Variants in ZNF862 observed in about 807,000 individuals in gnomAD.
The protein encoded by ZNF862 is zinc finger protein 862.
In ZNF862, 64 loss-of-function variants were observed where a neutral mutation model predicts 91.1. That is an observed-to-expected ratio of 0.70 (90% CI 0.57 to 0.87). The LOEUF (loss-of-function observed/expected upper bound fraction) is 0.87, where lower values mean the gene tolerates loss of function less well. Ranked by LOEUF, ZNF862 falls within the 40% of genes least tolerant of loss-of-function variation. The pLI is 0.00. For synonymous variants in ZNF862, 631 were observed against 618.1 expected (o/e 1.02, Z -0.31); for missense variants, 1,459 against 1,528.0 (o/e 0.95, Z 0.75).
Position 149,861,446 on chromosome 7 carries a change from GAGGCTGAACGAGCTGC to G in ZNF862, c.2290_2305del (p.Leu764LysfsTer13). The G allele has an allele frequency of 6.2e-7, 1 of 1,613,492 alleles. No individual in the cohort carries two copies. The highest frequency in any genetic ancestry group is 1.1e-5 in the South Asian group (1 of 91,090). On this transcript the variant is annotated frameshift_variant, in exon 7 of 8. Transcript: ENST00000223210. LOFTEE classifies it high-confidence loss of function. The surrounding 1 kb of genome is among the most constrained non-coding windows in gnomAD (Gnocchi z 6.7). ...TCAAGTTTTATCAGTCCTCAAACAA[GAGGCTGAACGAGCTGC>G]AGGAAGGTGCGGCGCCTCTGGAGCA...
At position 149,864,416 on chromosome 7, in the gene ZNF862, C is replaced by A; in HGVS notation, c.*132C>A. ...CTAAGCACCAGGAAGTGGGCAGTGG[C>A]ATCCCAGAGCAGCAGGGGTATCAGG... On this transcript the variant is annotated 3_prime_UTR_variant, in exon 8 of 8. Coordinates refer to ENST00000223210, the MANE Select transcript of ZNF862 (RefSeq NM_001099220.3). The A allele has an allele frequency of 1.1e-6, 1 of 911,452 alleles. No individual in the cohort carries two copies. The highest frequency in any genetic ancestry group is 1.6e-6 in the Non-Finnish European group (1 of 617,802). The allele number at this position is 911,452 out of a possible 1,614,324, so 56.5% of individuals were successfully genotyped here. A position where few individuals can be genotyped will look rare whatever the true frequency, so the allele number is the denominator to read the frequency against.
At chr7:149,859,334 T>C (rs953587217) in intron 5 of ZNF862, 88 bp from the exon 6 acceptor site, 3 of 1,162,352 alleles carry the variant, frequency 2.6e-6, no homozygotes, top group Non-Finnish European at 3.8e-6. Flanking sequence ...GACACCTCTG[T>C]GTACTTCAGG....
Position 149,850,331 on chromosome 7 carries a change from A to G in ZNF862, c.1110A>G (p.Ala370=). 1 of 1,611,000 alleles carries G rather than the reference A, an allele frequency of 6.2e-7. No individual in the cohort carries two copies. Among genetic ancestry groups the G allele is most frequent in the East Asian group, 2.2e-5 (1 of 44,820 alleles). Residue 370 remains alanine, a synonymous_variant, in exon 5 of 8, where the codon GCA becomes GCG. Coordinates refer to ENST00000223210, the MANE Select transcript of ZNF862 (RefSeq NM_001099220.3). This position sits in a 1 kb window ranked among gnomAD's most constrained non-coding sequence, Gnocchi z 4.2. ...TGCGGATGAACTACGAGCTGTTGGC[A>G]TCCTTGGGTAAAGACGCACCGAGCC... ...DVMRMNYELL[A]SLGPAAAKPD... is the part of the protein sequence containing the mutation.
intron 5 of ZNF862, chr7:149,858,852 T>TTCACAAAG (rs1258519366): frequency 1.6e-5 from 2 of 123,042 alleles, no homozygotes; most frequent in African/African-American, 6.3e-5. Flanking sequence ...AAAGGCCAGC[T>TTCACAAAG]GTGGGGGCAG....
intron 5 of ZNF862, chr7:149,858,408 T>C (rs1802331915): frequency 6.6e-6 from 1 of 152,240 alleles, no homozygotes; most frequent in Non-Finnish European, 1.5e-5. Flanking sequence ...AATTTACTTA[T>C]TTATATTTTT....
At chr7:149,848,669 G>A (rs965380089) in intron 4 of ZNF862, among the ~76,000 whole-genome samples, 66 of 152,152 alleles carry the variant, frequency 4.3e-4, no homozygotes, top group African/African-American at 1.4e-3. Context: ...TGCAAATAAC[G>A]TAATTAGTGA....
In ZNF862 at chr7:149,850,444, G is replaced by A. The variant is rs1048227846; in HGVS notation, c.1117+106G>A. 6 of 1,228,030 alleles carry A rather than the reference G, an allele frequency of 4.9e-6. No individual in the cohort carries two copies. Among genetic ancestry groups the A allele is most frequent in the Non-Finnish European group, 6.7e-6 (6 of 893,440 alleles). The allele number at this position is 1,228,030 out of a possible 1,614,324, so 76.1% of individuals were successfully genotyped here. On this transcript the variant is annotated intron_variant, in intron 5 of 7. Coordinates refer to ENST00000223210, the MANE Select transcript of ZNF862 (RefSeq NM_001099220.3). This position sits in a 1 kb window ranked among gnomAD's most constrained non-coding sequence, Gnocchi z 4.2. ...CTTCCCATTCCTGCCCCCTCCCTGT[G>A]TGTAGGCAGAGACCGATCCTGTCTT... is the stretch of plus-strand genomic sequence containing the variant.
intron 1 of ZNF862, chr7:149,841,394 T>C (rs1037252381): frequency 5.1e-6 from 5 of 985,360 alleles, no homozygotes; most frequent in Middle Eastern, 5.2e-4. Flanking sequence ...GGTCAGACTT[T>C]TCCCCATCAT....
At chr7:149,842,195 T>G (rs911452519) in intron 1 of ZNF862, among the ~76,000 whole-genome samples, 3 of 152,090 alleles carry the variant, frequency 2.0e-5, no homozygotes, top group Non-Finnish European at 2.9e-5. Context: ...GCAGTCAGGA[T>G]CTAAAGACTG....
In ZNF862 at chr7:149,851,115, T is replaced by A. The variant is rs577356505; in HGVS notation, c.1117+777T>A. ...CAAGATGGAAAGACAACTTTTTTTG[T>A]TGGAGACAGTCTCACTCTGTCGCCC... On this transcript the variant is annotated intron_variant, in intron 5 of 7. Coordinates refer to ENST00000223210, the MANE Select transcript of ZNF862 (RefSeq NM_001099220.3). 1.4e-4 allele frequency among the ~76,000 whole-genome samples: 22 copies of A among 152,362 alleles called. 1 individual carries two copies. The Middle Eastern group carries it at 0.01, about 71-fold the overall frequency.
chr7:149,856,779 CG>C (rs1464400644), intron 5 of ZNF862, among the ~76,000 whole-genome samples: 1 of 152,166 alleles, frequency 6.6e-6, no homozygotes, highest in Non-Finnish European at 1.5e-5. Context: ...TTGTGGTTGA[CG>C]TCTTCATCTT....
Position 149,859,542 on chromosome 7 carries a change from C to T in ZNF862, c.1222+16C>T, listed in dbSNP as rs953135560. 6 of 1,546,006 alleles carry T rather than the reference C, an allele frequency of 3.9e-6. No individual in the cohort carries two copies. In the African/African-American group the frequency reaches 8.2e-5, roughly 21 times the overall value. On this transcript the variant is annotated intron_variant, in intron 6 of 7. Coordinates refer to ENST00000223210, the MANE Select transcript of ZNF862 (RefSeq NM_001099220.3). ...CGTCCTCCAGGTGAGTGTAAACCTACAGCATTCTGAAGGACATGTGCCAGG... is the reference window on the plus strand; with the variant it reads ...CGTCCTCCAGGTGAGTGTAAACCTATAGCATTCTGAAGGACATGTGCCAGG...
rs183749995 is a variant in ZNF862, at chr7:149,848,343, G to A, written c.850G>A (p.Asp284Asn). Reference protein sequence around the residue: ...IPAMYLDCISDLRQKEITDGI... With the variant: ...IPAMYLDCISNLRQKEITDGI... ...TGCAATGTATCTAGACTGCATTTCA[G>A]ATTTGAGGCAAAAAGAAATCACTGA... The change falls in exon 4 of 8, where the codon GAT becomes AAT. Residue 284 changes from aspartate to asparagine, a missense_variant. By Grantham distance (23) the Asp-to-Asn change is conservative. Coordinates refer to ENST00000223210, the MANE Select transcript of ZNF862 (RefSeq NM_001099220.3). 2 of 1,606,442 alleles carry A rather than the reference G, an allele frequency of 1.2e-6. No individual in the cohort carries two copies. Among genetic ancestry groups the A allele is most frequent in the Non-Finnish European group, 1.7e-6 (2 of 1,176,214 alleles).
In ZNF862 at chr7:149,850,027, A is replaced by G. The variant is rs1802006964; in HGVS notation, c.940-134A>G. 2 of 891,944 alleles carry G rather than the reference A, an allele frequency of 2.2e-6. No homozygotes were observed. Among genetic ancestry groups the G allele is most frequent in the Non-Finnish European group, 3.4e-6 (2 of 583,610 alleles). The allele number at this position is 891,944 out of a possible 1,614,324, so 55.3% of individuals were successfully genotyped here. A position where few individuals can be genotyped will look rare whatever the true frequency, so the allele number is the denominator to read the frequency against. On this transcript the variant is annotated intron_variant, in intron 4 of 7. Coordinates refer to ENST00000223210, the MANE Select transcript of ZNF862 (RefSeq NM_001099220.3). This position sits in a 1 kb window ranked among gnomAD's most constrained non-coding sequence, Gnocchi z 4.2. The stretch of plus-strand genomic sequence containing the variant: ...TGATTCTTTGACTTTCAGTGGATAA[A>G]TTAATTCCTCTGAGTGCATCTGGGC...
rs756146004 is a variant in ZNF862, at chr7:149,861,443, CAA to C, written c.2284_2285del (p.Lys762GlufsTer159). The C allele has an allele frequency of 1.5e-5, 24 of 1,613,494 alleles. No homozygotes were observed. The highest frequency in any genetic ancestry group is 8.9e-5 in the East Asian group (4 of 44,880). On this transcript the variant is annotated frameshift_variant, in exon 7 of 8. Transcript: ENST00000223210. LOFTEE classifies it high-confidence loss of function. The surrounding 1 kb of genome is among the most constrained non-coding windows in gnomAD (Gnocchi z 6.7). ...TCTTCAAGTTTTATCAGTCCTCAAA[CAA>C]GAGGCTGAACGAGCTGCAGGAAGGT... ...TVFKFYQSSN[K>X]RLNELQEGAA...
At chr7:149,863,497 G>T (rs753304287) in intron 7 of ZNF862, among the ~76,000 whole-genome samples, 1 of 152,202 alleles carries the variant, frequency 6.6e-6, no homozygotes, top group Non-Finnish European at 1.5e-5. Context: ...AGTAGGGCAG[G>T]TGGGGATAAG....
At chr7:149,849,558 C>T (rs146721196) in intron 4 of ZNF862, among the ~76,000 whole-genome samples, 17 of 152,338 alleles carry the variant, frequency 1.1e-4, no homozygotes, top group African/African-American at 4.1e-4. Flanking sequence ...GGAGGTTCCT[C>T]CTAGAGCTGA....
intron 1 of ZNF862, chr7:149,841,352 TC>T: frequency 1.0e-6 from 1 of 985,470 alleles, no homozygotes; most frequent in Non-Finnish European, 1.2e-6. Context: ...ATGTAGGACA[TC>T]TTGCCTGTCA....
rs1421346791 is a variant in ZNF862, at chr7:149,864,193, A to G, written c.3419A>G (p.Glu1140Gly). Residue 1140 changes from glutamate (E) to glycine (G), a missense_variant, in exon 8 of 8, where the codon GAA (glutamate) becomes GGA (glycine). Transcript: ENST00000223210. ...AAGCCACCCATCCTGCCCTCCAGGG[A>G]AGCAGCGGAGGTTCTGAAGGACTGC... Reference protein sequence around the residue: ...TQKPPILPSREAAEVLKDCIM... With the variant: ...TQKPPILPSRGAAEVLKDCIM... 1 of 1,596,666 alleles carries G rather than the reference A, an allele frequency of 6.3e-7. No individual in the cohort carries two copies. Among genetic ancestry groups the G allele is most frequent in the African/African-American group, 1.3e-5 (1 of 74,512 alleles).
Sources: gnomAD v4.1 joint callset for allele counts (sites outside exome capture counted in the v4.1 genomes callset) on GRCh38, gnomAD v4.1.1 for gene constraint, Gnocchi (gnomAD v3.1) non-coding constraint, MANE v1.5 for transcripts, NCBI Gene and HGNC (gene_info 2026-07-23, HGNC 2026-07-21) for gene names.